The following PRKG1 variants were observed in gnomAD, a reference collection of about 807,000 sequenced individuals.
PRKG1 encodes protein kinase cGMP-dependent 1, also known as cGMP-dependent protein kinase 1.
In PRKG1, 35 loss-of-function variants were observed where a neutral mutation model predicts 88.1. The observed-to-expected ratio is 0.40, with a 90% CI of 0.30 to 0.53. The LOEUF is 0.53. PRKG1 is among the 20% of genes least tolerant of loss of function. The probability of loss-of-function intolerance (pLI) is 0.59; values close to 1 mark genes in which losing one functional copy is unlikely to be tolerated. For synonymous variants in PRKG1, 303 were observed against 292.5 expected, an observed-to-expected ratio of 1.04 and a Z score of -0.37; for missense variants, 540 against 839.8, an observed-to-expected ratio of 0.64 and a Z score of 4.41.
chr10:52,089,361 T>G (rs1164585226), intron 7 of PRKG1, among the ~76,000 whole-genome samples: 2 of 152,212 alleles, frequency 1.3e-5, no homozygotes, highest in Non-Finnish European at 2.9e-5. Context: ...TGAATTACAT[T>G]TGGTTGGCCA....
At position 52,272,582 on chromosome 10, in the gene PRKG1, A is replaced by C. The variant is rs79637161; in HGVS notation, c.1403+101A>C. ...ATAAAGTATAATAATCATATTTATA[A>C]TTTACACATGCTTATATTTCAATAT... On this transcript the variant is annotated intron_variant, in intron 12 of 17. Transcript: ENST00000373980. 27,435 of 808,180 alleles carry C rather than the reference A, an allele frequency of 0.034. 2,491 individuals carry two copies. The highest frequency in any genetic ancestry group is 0.29 in the East Asian group (10,794 of 36,944). The allele number at this position is 808,180 out of a possible 1,614,324, so 50.1% of individuals were successfully genotyped here.
At chr10:51,955,516 A>G (rs1843282668) in intron 5 of PRKG1, among the ~76,000 whole-genome samples, 1 of 152,156 alleles carries the variant, frequency 6.6e-6, no homozygotes, top group African/African-American at 2.4e-5. Flanking sequence ...TTTGTTAACT[A>G]TTTTGTAAGC....
chr10:51,968,539 T>G (rs2133084632), intron 5 of PRKG1, among the ~76,000 whole-genome samples: 1 of 151,978 alleles, frequency 6.6e-6, no homozygotes, highest in Middle Eastern at 3.4e-3. Flanking sequence ...TAGTAATAAT[T>G]AGACCAGGCA....
intron 8 of PRKG1, among the ~76,000 whole-genome samples, chr10:52,155,481 G>C (rs1021968242): frequency 6.6e-6 from 1 of 151,782 alleles, no homozygotes; most frequent in African/African-American, 2.4e-5. Flanking sequence ...TATGTAACCA[G>C]GCGTGTCCTA....
intron 2 of PRKG1, among the ~76,000 whole-genome samples, chr10:51,239,799 T>C (rs1435546587): frequency 2.0e-5 from 3 of 152,204 alleles, no homozygotes; most frequent in Non-Finnish European, 4.4e-5. Flanking sequence ...GATTTTCTGG[T>C]GGTATAACCT....
At chr10:51,764,737 T>G (rs1838111469) in intron 3 of PRKG1, among the ~76,000 whole-genome samples, 1 of 152,182 alleles carries the variant, frequency 6.6e-6, no homozygotes, top group African/African-American at 2.4e-5. Flanking sequence ...GTCTGAATGT[T>G]TGGTCTCCCC....
intron 9 of PRKG1, among the ~76,000 whole-genome samples, chr10:52,186,480 C>A (rs999223580): frequency 2.6e-5 from 4 of 152,110 alleles, no homozygotes; most frequent in South Asian, 2.1e-4. Flanking sequence ...CCCCAGGATC[C>A]AATCACCTCC....
chr10:51,393,687 C>G (rs1429460173), intron 2 of PRKG1, among the ~76,000 whole-genome samples: 1 of 152,098 alleles, frequency 6.6e-6, no homozygotes, highest in African/African-American at 2.4e-5. Context: ...AAGAATTTCA[C>G]GTTTTGACTT....
At chr10:51,464,067 C>A (rs191688783) in intron 2 of PRKG1, among the ~76,000 whole-genome samples, 2 of 151,872 alleles carry the variant, frequency 1.3e-5, no homozygotes, top group African/African-American at 4.8e-5. Context: ...ATCAGGAGAT[C>A]GAGACCGTCT....
chr10:51,341,542 T>C (rs1842004257), intron 2 of PRKG1, among the ~76,000 whole-genome samples: 1 of 152,212 alleles, frequency 6.6e-6, no homozygotes, highest in African/African-American at 2.4e-5. Flanking sequence ...GGAACTTAAA[T>C]GGCTATTCTT....
intron 3 of PRKG1, among the ~76,000 whole-genome samples, chr10:51,492,668 A>T (rs1840736469): frequency 6.6e-6 from 1 of 152,168 alleles, no homozygotes; most frequent in Non-Finnish European, 1.5e-5. Context: ...ACAGTAAAGC[A>T]ATCAAAATGA....
At chr10:51,312,047 T>C (rs1272557039) in intron 2 of PRKG1, among the ~76,000 whole-genome samples, 1 of 151,696 alleles carries the variant, frequency 6.6e-6, no homozygotes, top group Non-Finnish European at 1.5e-5. Context: ...AATTTTGTAT[T>C]TTTAGTTAGA....
chr10:51,291,659 C>T (rs1359441195), intron 2 of PRKG1, among the ~76,000 whole-genome samples: 5 of 152,044 alleles, frequency 3.3e-5, no homozygotes, highest in African/African-American at 1.2e-4. Flanking sequence ...GAATGGGTGC[C>T]CCCCTTAAAA....
At chr10:52,037,771 C>A (rs1279532564) in intron 5 of PRKG1, among the ~76,000 whole-genome samples, 1 of 152,076 alleles carries the variant, frequency 6.6e-6, no homozygotes, top group Non-Finnish European at 1.5e-5. Context: ...GGTGGAGGAG[C>A]AGAGGCTGAG....
At chr10:51,094,217 A>G (rs1844468922) in intron 1 of PRKG1, among the ~76,000 whole-genome samples, 1 of 151,954 alleles carries the variant, frequency 6.6e-6, no homozygotes, top group African/African-American at 2.4e-5. Flanking sequence ...ATAAATATAT[A>G]TATGTATATA....
At chr10:52,208,226 C>G (rs1317319866) in intron 9 of PRKG1, among the ~76,000 whole-genome samples, 2 of 152,162 alleles carry the variant, frequency 1.3e-5, no homozygotes, top group Non-Finnish European at 2.9e-5. Flanking sequence ...GAATGTGAGT[C>G]TTCCTTTCTT....
chr10:52,159,116 C>G (rs7899204), intron 8 of PRKG1, among the ~76,000 whole-genome samples: 8,991 of 151,334 alleles, frequency 0.059, 800 homozygotes, highest in African/African-American at 0.2. Context: ...TAGTTAGAGT[C>G]CTATGGGTGA....
rs141005866 is a variant in PRKG1, at chr10:51,131,426, T to A, written c.312-21738T>A. Among the ~76,000 whole-genome samples the A allele has an allele frequency of 2.1e-3, 317 of 152,306 alleles. 2 individuals carry two copies. Among genetic ancestry groups the A allele is most frequent in the African/African-American group, 7.4e-3 (307 of 41,564 alleles). On this transcript the variant is annotated intron_variant, in intron 1 of 17. Transcript: ENST00000373980. ...AAAATAGACATATAAATCATTGTTC[T>A]TGTAACTTTTGTTTAACCTATTAAA...
chr10:51,715,374 G>A (rs932535005), intron 3 of PRKG1, among the ~76,000 whole-genome samples: 1 of 152,196 alleles, frequency 6.6e-6, no homozygotes, highest in East Asian at 1.9e-4. Context: ...AGATACCTGG[G>A]TGTCCTCTAG....
Sources: allele counts gnomAD v4.1 joint callset (sites outside exome capture counted in the v4.1 genomes callset), GRCh38; gene constraint gnomAD v4.1.1; transcripts MANE v1.5; gene names NCBI Gene and HGNC (gene_info 2026-07-23, HGNC 2026-07-21).